DOCK3: variants seen among roughly 807,000 people sequenced by gnomAD.
DOCK3 encodes dedicator of cytokinesis 3, also known as dedicator of cytokinesis protein 3.
A neutral mutation model predicts 265.6 loss-of-function variants in DOCK3; 60 were observed. That is an observed-to-expected ratio of 0.23 (90% CI 0.18 to 0.28). The LOEUF (loss-of-function observed/expected upper bound fraction) is 0.28, where lower values mean the gene tolerates loss of function less well. Ranked by LOEUF, DOCK3 falls within the 10% of genes least tolerant of loss-of-function variation. The probability of loss-of-function intolerance (pLI) is 1.00; values close to 1 mark genes in which losing one functional copy is unlikely to be tolerated. For missense variants in DOCK3, 1,981 were observed against 2,594.3 expected, an observed-to-expected ratio of 0.76 and a Z score of 5.14; for synonymous variants, 881 against 938.0, an observed-to-expected ratio of 0.94 and a Z score of 1.11.
Position 51,348,600 on chromosome 3 carries a change from C to A in DOCK3, c.3916-252C>A, listed in dbSNP as rs568560164. Among the ~76,000 whole-genome samples the A allele has an allele frequency of 5.3e-5, 8 of 152,322 alleles. No individual in the cohort carries two copies. The East Asian group carries it at 1.3e-3, about 26-fold the overall frequency. ...AGAAATGGACAAGGAAGTGCCTGTT[C>A]TTGACAAAGCAGTCAGGGAAGGCCT... On this transcript the variant is annotated intron_variant, in intron 38 of 52. Transcript: ENST00000266037.
At chr3:50,965,094 A>T (rs960884791) in intron 5 of DOCK3, among the ~76,000 whole-genome samples, 2 of 152,168 alleles carry the variant, frequency 1.3e-5, no homozygotes, top group African/African-American at 4.8e-5. Flanking sequence ...AATCAATAAA[A>T]GTAATAGAGT....
At chr3:50,851,551 G>A (rs567436130) in intron 3 of DOCK3, among the ~76,000 whole-genome samples, 1 of 152,180 alleles carries the variant, frequency 6.6e-6, no homozygotes, top group African/African-American at 2.4e-5. Context: ...CCATATGCCT[G>A]AATTTCTGCC....
intron 12 of DOCK3, among the ~76,000 whole-genome samples, chr3:51,166,013 A>T (rs1347322381): frequency 6.8e-6 from 1 of 147,562 alleles, no homozygotes; most frequent in Non-Finnish European, 1.5e-5. Flanking sequence ...ATAATTATAT[A>T]TATTATTTTT....
chr3:51,184,420 C>T (rs913367277), intron 12 of DOCK3, among the ~76,000 whole-genome samples: 2 of 151,394 alleles, frequency 1.3e-5, no homozygotes, highest in Admixed American at 6.6e-5. Flanking sequence ...GCAGAAAGTG[C>T]CAGAAAGCAA....
At chr3:50,744,569 G>T (rs986168317) in intron 1 of DOCK3, among the ~76,000 whole-genome samples, 4 of 152,026 alleles carry the variant, frequency 2.6e-5, no homozygotes, top group Non-Finnish European at 5.9e-5. Flanking sequence ...AGGTAGCTGG[G>T]ACTACAGGCA....
intron 7 of DOCK3, among the ~76,000 whole-genome samples, chr3:51,088,915 G>A (rs1455980624): frequency 6.6e-6 from 1 of 152,148 alleles, no homozygotes; most frequent in Non-Finnish European, 1.5e-5. Flanking sequence ...TCAGAAAGTG[G>A]TACAGTATAT....
Position 51,374,241 on chromosome 3 carries a change from G to A in DOCK3, c.5294-228G>A, listed in dbSNP as rs1047767470. 1.2e-4 allele frequency among the ~76,000 whole-genome samples: 19 copies of A among 152,188 alleles called. No individual in the cohort carries two copies. The highest frequency in any genetic ancestry group is 4.1e-4 in the African/African-American group (17 of 41,440). ...TGGTGGGGACTCTGTCAGCGGATCTGCATCTCACCAGCCTGCTGTATGTCA... is the reference window on the plus strand; with the variant it reads ...TGGTGGGGACTCTGTCAGCGGATCTACATCTCACCAGCCTGCTGTATGTCA... On this transcript the variant is annotated intron_variant, in intron 49 of 52. Coordinates refer to ENST00000266037, the MANE Select transcript of DOCK3 (RefSeq NM_004947.5). This position sits in a 1 kb window ranked among gnomAD's most constrained non-coding sequence, Gnocchi z 4.8.
At chr3:50,794,512 C>T (rs553315382) in intron 2 of DOCK3, among the ~76,000 whole-genome samples, 7 of 152,120 alleles carry the variant, frequency 4.6e-5, no homozygotes, top group East Asian at 1.9e-4. Context: ...TTTTGATCTT[C>T]GTTGGTTTAA....
At chr3:50,863,239 C>T (rs1188046728) in intron 3 of DOCK3, among the ~76,000 whole-genome samples, 1 of 152,090 alleles carries the variant, frequency 6.6e-6, no homozygotes, top group Middle Eastern at 3.2e-3. Context: ...TGCTGTGACT[C>T]AAGGGCAGAG....
intron 2 of DOCK3, among the ~76,000 whole-genome samples, chr3:50,799,688 A>G (rs1212613703): frequency 6.6e-6 from 1 of 152,058 alleles, no homozygotes; most frequent in South Asian, 2.1e-4. Context: ...TCCAGTTTTG[A>G]TGCCTCTTAT....
chr3:51,125,022 C>G (rs909230634), intron 9 of DOCK3, among the ~76,000 whole-genome samples: 35 of 151,420 alleles, frequency 2.3e-4, no homozygotes, highest in African/African-American at 6.8e-4. Context: ...TCCTGTAGTC[C>G]CAGCTACTCA....
At chr3:51,005,845 G>T (rs2078657753) in intron 5 of DOCK3, among the ~76,000 whole-genome samples, 1 of 152,028 alleles carries the variant, frequency 6.6e-6, no homozygotes, top group Non-Finnish European at 1.5e-5. Context: ...GTTCCAGAAT[G>T]AAACACCAGA....
At chr3:51,268,207 A>G (rs1276766278) in intron 23 of DOCK3, among the ~76,000 whole-genome samples, 1 of 152,264 alleles carries the variant, frequency 6.6e-6, no homozygotes, top group South Asian at 2.1e-4. Context: ...ATGGGAAGAA[A>G]ATTTGCTTTC....
chr3:50,930,267 C>T (rs1181105826), intron 4 of DOCK3, among the ~76,000 whole-genome samples: 1 of 152,258 alleles, frequency 6.6e-6, no homozygotes, highest in Non-Finnish European at 1.5e-5. Context: ...ACTCCTTTAA[C>T]ATCACTCATG....
At chr3:50,840,884 T>C (rs1325701432) in intron 2 of DOCK3, among the ~76,000 whole-genome samples, 3 of 152,244 alleles carry the variant, frequency 2.0e-5, no homozygotes, top group African/African-American at 4.8e-5. Flanking sequence ...GTTGATTCTT[T>C]TTTTTCATAG....
chr3:50,707,617 T>C (rs1055202395), intron 1 of DOCK3, among the ~76,000 whole-genome samples: 3 of 152,110 alleles, frequency 2.0e-5, no homozygotes, highest in African/African-American at 7.2e-5. Context: ...GGGATGGGGA[T>C]GTCAGATGGG....
At position 51,166,144 on chromosome 3, in the gene DOCK3, G is replaced by A. The variant is rs948600261; in HGVS notation, c.1037+5442G>A. On this transcript the variant is annotated intron_variant, in intron 12 of 52. Coordinates refer to ENST00000266037, the MANE Select transcript of DOCK3 (RefSeq NM_004947.5). ...CAGCTCACTGCAACCTCCACTTCCCGGGTTCAAGCAATTCTCCTGCCTCAG... is the reference window on the plus strand; with the variant it reads ...CAGCTCACTGCAACCTCCACTTCCCAGGTTCAAGCAATTCTCCTGCCTCAG... Among the ~76,000 whole-genome samples the A allele has an allele frequency of 8.0e-5, 12 of 150,118 alleles. No homozygotes were observed. The East Asian group carries it at 9.8e-4, about 12-fold the overall frequency.
Position 51,338,996 on chromosome 3 carries a change from G to A in DOCK3, c.3734G>A (p.Cys1245Tyr). 6.2e-7 allele frequency: 1 copy of A among 1,607,872 alleles called. No individual in the cohort carries two copies. Among genetic ancestry groups the A allele is most frequent in the South Asian group, 1.1e-5 (1 of 89,722 alleles). ...EMYIRYIHKL[C>Y]DMHLQAENYT... Reference sequence around the variant, plus strand: ...TATATCCGCTACATCCATAAGCTTTGTGACATGCACTTGCAGGCCGAAAAC... The same window carrying A: ...TATATCCGCTACATCCATAAGCTTTATGACATGCACTTGCAGGCCGAAAAC... The change falls in exon 37 of 53, where the codon TGT (cysteine) becomes TAT (tyrosine). Residue 1245 changes from cysteine (C) to tyrosine (Y), a missense_variant. Physicochemically the swap from Cys to Tyr is radical, Grantham distance 194 (BLOSUM62 -2). This residue lies in a region of DOCK3 where 1,357 missense variants were observed against 1,866.8 expected (regional missense o/e 0.73). Coordinates refer to ENST00000266037, the MANE Select transcript of DOCK3 (RefSeq NM_004947.5).
intron 38 of DOCK3, among the ~76,000 whole-genome samples, chr3:51,347,410 G>T (rs1329150636): frequency 3.3e-5 from 5 of 152,254 alleles, no homozygotes; most frequent in Middle Eastern, 3.4e-3. Flanking sequence ...TTTCCCCATT[G>T]CTTGTTTTTG....
Sources: gnomAD v4.1 joint callset for allele counts (sites outside exome capture counted in the v4.1 genomes callset) on GRCh38, gnomAD v4.1.1 for gene constraint, gnomAD v4.1.1 regional missense constraint, Gnocchi (gnomAD v3.1) non-coding constraint, MANE v1.5 for transcripts, NCBI Gene and HGNC (gene_info 2026-07-23, HGNC 2026-07-21) for gene names.